FAM135B: variants seen among roughly 807,000 people sequenced by gnomAD.
FAM135B encodes the protein family with sequence similarity 135 member B, also known as protein FAM135B.
FAM135B carries 43 observed loss-of-function variants against 127.7 expected under a neutral mutation model. That is an observed-to-expected ratio of 0.34 (90% CI 0.26 to 0.43). FAM135B has a LOEUF of 0.43. Ranked by LOEUF, FAM135B falls within the 20% of genes least tolerant of loss-of-function variation. The probability of loss-of-function intolerance (pLI) is 1.00; values close to 1 mark genes in which losing one functional copy is unlikely to be tolerated. For missense variants in FAM135B, 1,558 were observed against 1,725.6 expected, an observed-to-expected ratio of 0.90 and a Z score of 1.72; for synonymous variants, 670 against 665.1, an observed-to-expected ratio of 1.01 and a Z score of -0.11.
At chr8:138,364,484 G>A (rs1830621021) in intron 2 of FAM135B, among the ~76,000 whole-genome samples, 1 of 152,152 alleles carries the variant, frequency 6.6e-6, no homozygotes, top group African/African-American at 2.4e-5. Flanking sequence ...CTGCAATCAA[G>A]TGACCCTCAA....
chr8:138,345,436 A>G (rs1012975626), intron 2 of FAM135B, among the ~76,000 whole-genome samples: 1 of 152,182 alleles, frequency 6.6e-6, no homozygotes, highest in Non-Finnish European at 1.5e-5. Context: ...GGCCAGGGGC[A>G]AAGCTTGGAG....
intron 1 of FAM135B, among the ~76,000 whole-genome samples, chr8:138,455,826 G>A (rs1836743993): frequency 6.6e-6 from 1 of 152,114 alleles, no homozygotes. Context: ...AATTCATGCT[G>A]TAGACAGCTG....
rs2131143341 is a variant in FAM135B at position 138,197,762 on chromosome 8, C to A, written c.670-93G>T. The A allele has an allele frequency of 2.9e-6, 4 of 1,394,670 alleles. No individual in the cohort carries two copies. The South Asian group carries it at 5.4e-5, about 19-fold the overall frequency. The allele number at this position is 1,394,670 out of a possible 1,614,324, so 86.4% of individuals were successfully genotyped here. ...TGCTCCATCCACCCGCACCAACATTCACAAAATGTTTGGAGGTTCAGGGAA... is the reference window on the plus strand; with the variant it reads ...TGCTCCATCCACCCGCACCAACATTAACAAAATGTTTGGAGGTTCAGGGAA... On this transcript the variant is annotated intron_variant, in intron 7 of 19. Transcript: ENST00000395297.
chr8:138,253,482 A>G (rs1052477505), intron 5 of FAM135B, among the ~76,000 whole-genome samples: 1 of 152,106 alleles, frequency 6.6e-6, no homozygotes, highest in African/African-American at 2.4e-5. Flanking sequence ...TACTCACTAG[A>G]TGGCAATATC....
At chr8:138,159,146 C>A (rs1235447457) in intron 12 of FAM135B, among the ~76,000 whole-genome samples, 16 of 148,368 alleles carry the variant, frequency 1.1e-4, no homozygotes, top group Non-Finnish European at 2.4e-4. Context: ...GTGGCGGGTG[C>A]CTGTAGTCCC....
At chr8:138,209,814 C>T (rs771805240) in intron 7 of FAM135B, among the ~76,000 whole-genome samples, 1 of 152,026 alleles carries the variant, frequency 6.6e-6, no homozygotes, top group Non-Finnish European at 1.5e-5. Flanking sequence ...GTCAATGGCC[C>T]CTAGTCCCAC....
chr8:138,340,074 C>T (rs1828937476), intron 2 of FAM135B, among the ~76,000 whole-genome samples: 1 of 152,192 alleles, frequency 6.6e-6, no homozygotes, highest in South Asian at 2.1e-4. Context: ...GGCAGGACTG[C>T]AGTCCTTCCC....
At chr8:138,208,396 A>G (rs2129788982) in intron 7 of FAM135B, among the ~76,000 whole-genome samples, 1 of 152,328 alleles carries the variant, frequency 6.6e-6, no homozygotes, top group African/African-American at 2.4e-5. Context: ...TGAAAATCAG[A>G]CCTCAGCAAT....
intron 1 of FAM135B, among the ~76,000 whole-genome samples, chr8:138,469,810 C>T (rs1326273893): frequency 6.6e-6 from 1 of 152,202 alleles, no homozygotes; most frequent in Non-Finnish European, 1.5e-5. Context: ...AACAGGCTTA[C>T]ATTTACAGTC....
At chr8:138,244,242 T>C (rs1436375293) in intron 6 of FAM135B, among the ~76,000 whole-genome samples, 1 of 149,420 alleles carries the variant, frequency 6.7e-6, no homozygotes, top group Non-Finnish European at 1.5e-5. Context: ...ATAGATGTAA[T>C]ACAATGCAGG....
intron 7 of FAM135B, among the ~76,000 whole-genome samples, chr8:138,214,701 G>A (rs1454560706): frequency 6.6e-6 from 1 of 152,028 alleles, no homozygotes; most frequent in Non-Finnish European, 1.5e-5. Flanking sequence ...AAAACCTACT[G>A]CGGAAGGGAA....
intron 14 of FAM135B, among the ~76,000 whole-genome samples, chr8:138,147,149 CTG>C: frequency 6.6e-6 from 1 of 152,108 alleles, no homozygotes; most frequent in Non-Finnish European, 1.5e-5. Context: ...TAAAGGAAAT[CTG>C]TGCATTTTGT....
At chr8:138,222,949 C>T (rs565856279) in intron 7 of FAM135B, among the ~76,000 whole-genome samples, 21 of 152,078 alleles carry the variant, frequency 1.4e-4, no homozygotes, top group Non-Finnish European at 2.2e-4. Flanking sequence ...ATGGACAAGG[C>T]TTGGCTGTGT....
rs1212367064 is a variant in FAM135B at position 138,241,669 on chromosome 8, G to C, written c.669+1273C>G. On this transcript the variant is annotated intron_variant, in intron 7 of 19. Transcript: ENST00000395297. This position sits in a 1 kb window ranked among gnomAD's most constrained non-coding sequence, Gnocchi z 4.8. ...AACACCTCTTTTGCGGGGCTGACTG[G>C]GCATGGACAGTTTATCACACTTATA... Among the ~76,000 whole-genome samples the C allele has an allele frequency of 2.0e-5, 3 of 152,084 alleles. No homozygotes were observed. The highest frequency in any genetic ancestry group is 7.2e-5 in the African/African-American group (3 of 41,416).
intron 1 of FAM135B, among the ~76,000 whole-genome samples, chr8:138,369,271 C>T (rs1199928035): frequency 6.6e-6 from 1 of 152,176 alleles, no homozygotes; most frequent in Non-Finnish European, 1.5e-5. Context: ...ACACATGGCT[C>T]TGTCACCTGG....
At chr8:138,227,311 C>T (rs1042478871) in intron 7 of FAM135B, among the ~76,000 whole-genome samples, 16 of 152,132 alleles carry the variant, frequency 1.1e-4, no homozygotes, top group African/African-American at 1.7e-4. Context: ...AGTGGTGGAG[C>T]GAAATAATTA....
At chr8:138,443,535 T>C (rs1352092075) in intron 1 of FAM135B, among the ~76,000 whole-genome samples, 2 of 152,170 alleles carry the variant, frequency 1.3e-5, no homozygotes, top group Non-Finnish European at 2.9e-5. Flanking sequence ...CAAATAAAAT[T>C]GCTAATTAGT....
chr8:138,414,119 CATAT>C (rs60918986), intron 1 of FAM135B, among the ~76,000 whole-genome samples: 13 of 124,666 alleles, frequency 1.0e-4, no homozygotes, highest in Non-Finnish European at 2.0e-4. Flanking sequence ...CACACAAATA[CATAT>C]ATATATATAT....
intron 1 of FAM135B, among the ~76,000 whole-genome samples, chr8:138,419,032 T>G (rs1834335278): frequency 6.6e-6 from 1 of 152,146 alleles, no homozygotes; most frequent in Non-Finnish European, 1.5e-5. Context: ...ACAGGCTAAA[T>G]GCCCCACTTA....
Sources: allele counts gnomAD v4.1 joint callset (sites outside exome capture counted in the v4.1 genomes callset), GRCh38; gene constraint gnomAD v4.1.1; non-coding constraint Gnocchi (gnomAD v3.1); transcripts MANE v1.5; gene names NCBI Gene and HGNC (gene_info 2026-07-23, HGNC 2026-07-21).